SF1: variants seen among roughly 807,000 people sequenced by gnomAD.
SF1 encodes the protein branch point-binding protein.
SF1 carries 7 observed loss-of-function variants against 62.5 expected under a neutral mutation model. The ratio of observed to expected loss-of-function variants is 0.11; its 90% confidence interval spans 0.06 to 0.21. The LOEUF (loss-of-function observed/expected upper bound fraction) is 0.21. Among genes scored for constraint, SF1 ranks in the 10% least tolerant of loss-of-function variants. The pLI is 1.00. For synonymous variants in SF1, 394 were observed against 323.6 expected, an observed-to-expected ratio of 1.22 and a Z score of -2.33; for missense variants, 578 against 884.0, an observed-to-expected ratio of 0.65 and a Z score of 4.39.
Position 64,777,735 on chromosome 11 carries a change from G to C in SF1, c.31+627C>G, listed in dbSNP as rs1281988913. On this transcript the variant is annotated intron_variant, in intron 1 of 12. Coordinates refer to ENST00000377390, the MANE Select transcript of SF1 (RefSeq NM_004630.4). ...GGCCCCCAGTCTATACAGTTGCGCC[G>C]CACAGCCCGGCCACCTCACTGCGTC... 8.1e-6 allele frequency: 8 copies of C among 985,470 alleles called. No homozygotes were observed. In the East Asian group the frequency reaches 5.7e-4, roughly 70 times the overall value. 61.0% of individuals were successfully genotyped at this position (985,470 alleles called of 1,614,324 possible). A position where few individuals can be genotyped will look rare whatever the true frequency, so the allele number is the denominator to read the frequency against.
intron 2 of SF1, among the ~76,000 whole-genome samples, chr11:64,774,961 C>CAAA (rs201621861): frequency 2.0e-5 from 2 of 99,066 alleles, no homozygotes; most frequent in South Asian, 3.0e-4. Flanking sequence ...CTCAGTCTCT[C>CAAA]AAAAAAAAAA....
intron 3 of SF1, chr11:64,772,325 A>T (rs1295516543): frequency 1.2e-6 from 1 of 850,566 alleles, no homozygotes; most frequent in Non-Finnish European, 1.4e-6. Flanking sequence ...TGTAAATTTA[A>T]AAAAAAAAAA....
chr11:64,765,177 A>AT lies in SF1; in HGVS notation c.*640_*641insA. The AT allele has an allele frequency of 2.8e-6, 1 of 360,596 alleles. No individual in the cohort carries two copies. 22.3% of individuals were successfully genotyped at this position (360,596 alleles called of 1,614,324 possible). The stretch of plus-strand genomic sequence containing the variant: ...ACATGAATGGCCAAAGCCCTTGCCC[A>AT]AAACCATTTGCTCCCCTCTCCTTGG... On this transcript the variant is annotated 3_prime_UTR_variant, in exon 13 of 13. Transcript: ENST00000377390.
In SF1 at chr11:64,765,233, G is replaced by C; in HGVS notation, c.*585C>G. 2.1e-6 allele frequency: 1 copy of C among 465,932 alleles called. No homozygotes were observed. Among genetic ancestry groups the C allele is most frequent in the Non-Finnish European group, 3.8e-6 (1 of 260,044 alleles). 28.9% of individuals were successfully genotyped at this position (465,932 alleles called of 1,614,324 possible). A position where few individuals can be genotyped will look rare whatever the true frequency, so the allele number is the denominator to read the frequency against. ...GAAGGAGAACTGGAGAGAAGGGAAA[G>C]GAATCTAAATTGCAGCAGAAGACCG... On this transcript the variant is annotated 3_prime_UTR_variant, in exon 13 of 13. Coordinates refer to ENST00000377390, the MANE Select transcript of SF1 (RefSeq NM_004630.4).
Position 64,768,966 on chromosome 11 carries a change from A to C in SF1, c.887+56T>G, listed in dbSNP as rs979623408. 3 of 1,165,432 alleles carry C rather than the reference A, an allele frequency of 2.6e-6. No homozygotes were observed. The East Asian group carries it at 7.0e-5, about 27-fold the overall frequency. 72.2% of individuals were successfully genotyped at this position (1,165,432 alleles called of 1,614,324 possible). On this transcript the variant is annotated intron_variant, in intron 8 of 12. Transcript: ENST00000377390. Reference sequence around the variant, plus strand: ...TAACAGCAACCAATGAATGTGCCAGAAAAGTTGTCCTGCACATCGCAGGCT... The same window carrying C: ...TAACAGCAACCAATGAATGTGCCAGCAAAGTTGTCCTGCACATCGCAGGCT...
Position 64,766,093 on chromosome 11 carries a change from CCTG to C in SF1, c.1642_1644del (p.Gln548del), listed in dbSNP as rs758519300. On this transcript the variant is annotated inframe_deletion, in exon 13 of 13. Coordinates refer to ENST00000377390, the MANE Select transcript of SF1 (RefSeq NM_004630.4). ...GCTCCTGGAGAAGCTGCGGCAGCCG[CCTG>C]CTGCTGTTGCCATGGCGGGATGGAC... The C allele has an allele frequency of 1.2e-5, 20 of 1,611,068 alleles. No homozygotes were observed. The African/African-American group carries it at 2.4e-4, about 19-fold the overall frequency.
intron 2 of SF1, 76 bp from the exon 3 acceptor site, chr11:64,773,581 A>C: frequency 3.5e-4 from 512 of 1,483,028 alleles, no homozygotes; most frequent in Non-Finnish European, 4.3e-4. Context: ...CTCAAATCTC[A>C]ACAACAAGCA....
chr11:64,771,847 C>T (rs2135939554), intron 3 of SF1: 2 of 985,396 alleles, frequency 2.0e-6, no homozygotes, highest in Non-Finnish European at 2.4e-6. Context: ...AAAACCCATG[C>T]ATTTCCCTCC....
intron 12 of SF1, chr11:64,766,651 C>G: frequency 2.2e-6 from 1 of 446,146 alleles, no homozygotes; most frequent in East Asian, 3.5e-5. Flanking sequence ...TTCTGGCCCC[C>G]TACCTACAAT....
Position 64,767,836 on chromosome 11 carries a change from C to T in SF1, c.1077G>A (p.Met359Ile). ...PANNPPPPSLMSTTQSRPPWM... is the reference protein window; with the variant it reads ...PANNPPPPSLISTTQSRPPWM... ...AGGGTGGGCGGCTCTGGGTGGTAGA[C>T]ATGAGAGACTACGTGAGAGCATTTC... Residue 359 changes from methionine to isoleucine, a missense_variant, in exon 10 of 13, where the codon ATG becomes ATA. Met to Ile is a conservative substitution (Grantham distance 10). Around this residue, in one of 7 missense-constraint regions of SF1, gnomAD observed 410 missense variants for 452.4 expected, o/e 0.91. Coordinates refer to ENST00000377390, the MANE Select transcript of SF1 (RefSeq NM_004630.4). 1 of 1,611,154 alleles carries T rather than the reference C, an allele frequency of 6.2e-7. No individual in the cohort carries two copies. Among genetic ancestry groups the T allele is most frequent in the Non-Finnish European group, 8.5e-7 (1 of 1,178,984 alleles).
At position 64,778,459 on chromosome 11, in the gene SF1, C is replaced by T; in HGVS notation, c.-67G>A. On this transcript the variant is annotated 5_prime_UTR_variant, in exon 1 of 13. Coordinates refer to ENST00000377390, the MANE Select transcript of SF1 (RefSeq NM_004630.4). Reference sequence around the variant, plus strand: ...CGGCGGCTTCTCCTTCGCAAGCCTCCCGGGGGGAGGGGACCCGAATGCGCT... The same window carrying T: ...CGGCGGCTTCTCCTTCGCAAGCCTCTCGGGGGGAGGGGACCCGAATGCGCT... The T allele has an allele frequency of 8.2e-7, 1 of 1,214,034 alleles. No individual in the cohort carries two copies. The highest frequency in any genetic ancestry group is 4.1e-5 in the South Asian group (1 of 24,306). 75.2% of individuals were successfully genotyped at this position (1,214,034 alleles called of 1,614,324 possible). A position where few individuals can be genotyped will look rare whatever the true frequency, so the allele number is the denominator to read the frequency against.
rs1484513263 is a variant in SF1, at chr11:64,778,480, G to A, written c.-88C>T. On this transcript the variant is annotated 5_prime_UTR_variant, in exon 1 of 13. Transcript: ENST00000377390. ...CCTCCCGGGGGGAGGGGACCCGAAT[G>A]CGCTGCCGGAGCGCGCGGAGCCCGT... 8.3e-7 allele frequency: 1 copy of A among 1,207,166 alleles called. No individual in the cohort carries two copies. The highest frequency in any genetic ancestry group is 1.0e-6 in the Non-Finnish European group (1 of 971,106). The allele number at this position is 1,207,166 out of a possible 1,614,324, so 74.8% of individuals were successfully genotyped here. A position where few individuals can be genotyped will look rare whatever the true frequency, so the allele number is the denominator to read the frequency against.
At chr11:64,777,900 T>G in intron 1 of SF1, 1 of 944,948 alleles carries the variant, frequency 1.1e-6, no homozygotes, top group Non-Finnish European at 1.3e-6. Context: ...CCCTGCCGCG[T>G]GCAGCCGCCG....
rs779793122 is a variant in SF1 at position 64,767,746 on chromosome 11, C to T, written c.1167G>A (p.Gly389=). The change falls in exon 10 of 13, where the codon GGG becomes GGA. Residue 389 remains glycine, a synonymous_variant. Transcript: ENST00000377390. ...GGAAGCTGTGGGGGCCACCTCCGGG[C>T]CCACCAGGACCACCTCCATGCATGC... The part of the protein sequence containing the change: ...YHGMHGGGPG[G]PGGGPHSFPH... 5.6e-6 allele frequency: 9 copies of T among 1,613,044 alleles called. No individual in the cohort carries two copies. The highest frequency in any genetic ancestry group is 7.6e-6 in the Non-Finnish European group (9 of 1,179,500).
At chr11:64,769,184 C>T (rs367584382) in intron 7 of SF1, 39 bp downstream of exon 7, 4 of 1,609,098 alleles carry the variant, frequency 2.5e-6, no homozygotes, top group Non-Finnish European at 3.4e-6. Context: ...TCCATAGGTT[C>T]TTCAGGTCTC....
chr11:64,768,800 C>G (rs1247077681), intron 8 of SF1, among the ~76,000 whole-genome samples: 1 of 152,180 alleles, frequency 6.6e-6, no homozygotes, highest in African/African-American at 2.4e-5. Context: ...TAAAAACATA[C>G]CCAAAATGGA....
chr11:64,767,776 G>C lies in SF1; in HGVS notation c.1137C>G (p.Tyr379Ter). ...CAGGACCACCTCCATGCATGCCGTGGTAGGGCCGACTCTCTGAAGGGCCAG... is the reference window on the plus strand; with the variant it reads ...CAGGACCACCTCCATGCATGCCGTGCTAGGGCCGACTCTCTGAAGGGCCAG... The part of the protein sequence containing the change: ...MNSGPSESRP[Y>*]HGMHGGGPGG... Residue 379 changes from tyrosine (Y) to a stop codon, truncating the protein, a stop_gained, in exon 10 of 13, where the codon TAC becomes TAG. Coordinates refer to ENST00000377390, the MANE Select transcript of SF1 (RefSeq NM_004630.4). LOFTEE classifies it high-confidence loss of function. 1 of 1,613,848 alleles carries C rather than the reference G, an allele frequency of 6.2e-7. No individual in the cohort carries two copies. The highest frequency in any genetic ancestry group is 8.5e-7 in the Non-Finnish European group (1 of 1,179,838).
At chr11:64,772,635 A>C (rs1938513006) in intron 3 of SF1, 5 of 985,078 alleles carry the variant, frequency 5.1e-6, no homozygotes, top group Non-Finnish European at 6.0e-6. Context: ...AGAGGGAGAG[A>C]CTTACTGCCC....
intron 2 of SF1, among the ~76,000 whole-genome samples, chr11:64,774,681 C>T (rs566900219): frequency 7.2e-5 from 11 of 152,058 alleles, no homozygotes; most frequent in South Asian, 2.1e-4. Context: ...AAATACTGGC[C>T]GGGCACAGTG....
Sources: gnomAD v4.1 joint callset for allele counts (sites outside exome capture counted in the v4.1 genomes callset) on GRCh38, gnomAD v4.1.1 for gene constraint, gnomAD v4.1.1 regional missense constraint, MANE v1.5 for transcripts, NCBI Gene and HGNC (gene_info 2026-07-23, HGNC 2026-07-21) for gene names.